PTPN9: variants seen among roughly 807,000 people sequenced by gnomAD.
PTPN9 encodes the protein tyrosine-protein phosphatase non-receptor type 9.
In PTPN9, 26 loss-of-function variants were observed where a neutral mutation model predicts 69.8. That is an observed-to-expected ratio of 0.37 (90% confidence interval 0.27 to 0.52). The LOEUF (loss-of-function observed/expected upper bound fraction) is 0.52, where lower values mean the gene tolerates loss of function less well. PTPN9 is among the 20% of genes least tolerant of loss of function. PTPN9 has a pLI of 0.91. For missense variants in PTPN9, 549 were observed against 740.3 expected (o/e 0.74, Z 3.00); for synonymous variants, 274 against 272.5 (o/e 1.01, Z -0.05).
intron 7 of PTPN9, among the ~76,000 whole-genome samples, chr15:75,492,131 C>G (rs1486140170): frequency 6.6e-6 from 1 of 152,128 alleles, no homozygotes; most frequent in Admixed American, 6.5e-5. Context: ...CCTCAGCCTC[C>G]CAAAGTGCTG....
At chr15:75,529,127 C>T (rs144938314) in intron 1 of PTPN9, among the ~76,000 whole-genome samples, 2,055 of 152,090 alleles carry the variant, frequency 0.014, 150 homozygotes, top group Admixed American at 0.11. Context: ...GCTGGGACTA[C>T]AGGGGCACAC....
intron 4 of PTPN9, among the ~76,000 whole-genome samples, chr15:75,517,963 G>A (rs1305275688): frequency 2.6e-5 from 4 of 152,148 alleles, no homozygotes; most frequent in African/African-American, 9.7e-5. Flanking sequence ...TTTCAGACCT[G>A]TGAAAAACTG....
At chr15:75,541,846 C>A (rs1351386408) in intron 1 of PTPN9, among the ~76,000 whole-genome samples, 2 of 151,298 alleles carry the variant, frequency 1.3e-5, no homozygotes, top group African/African-American at 4.9e-5. Context: ...TTGAGACCAT[C>A]CTGGAACATG....
chr15:75,493,404 G>T (rs2141301242), intron 7 of PTPN9, among the ~76,000 whole-genome samples: 1 of 152,072 alleles, frequency 6.6e-6, no homozygotes, highest in Non-Finnish European at 1.5e-5. Context: ...TAATAGACGA[G>T]ATAAAAGAGA....
At chr15:75,485,397 T>C (rs2074668909) in intron 8 of PTPN9, among the ~76,000 whole-genome samples, 1 of 138,654 alleles carries the variant, frequency 7.2e-6, no homozygotes, top group Admixed American at 7.9e-5. Context: ...AGTCTCGCTC[T>C]GTTGCCCAGG....
At chr15:75,549,728 A>G (rs568127061) in intron 1 of PTPN9, among the ~76,000 whole-genome samples, 1 of 152,262 alleles carries the variant, frequency 6.6e-6, no homozygotes, top group African/African-American at 2.4e-5. Flanking sequence ...AACTGTCTAG[A>G]CCTTGGAAGG....
chr15:75,530,199 CAAAAA>C (rs1171614508), intron 1 of PTPN9, among the ~76,000 whole-genome samples: 1 of 28,266 alleles, frequency 3.5e-5, no homozygotes. Flanking sequence ...GACTCCATCT[CAAAAA>C]AAAAAAAAAA....
At position 75,523,256 on chromosome 15, in the gene PTPN9, T is replaced by G; in HGVS notation, c.298-11A>C. 6.2e-7 allele frequency: 1 copy of G among 1,609,710 alleles called. No individual in the cohort carries two copies. The highest frequency in any genetic ancestry group is 8.5e-7 in the Non-Finnish European group (1 of 1,178,710). On this transcript the variant is annotated splice_polypyrimidine_tract_variant and intron_variant, in intron 3 of 12. Transcript: ENST00000618819. ...TGGGTCCCGAACATTCTAAAGCAAA[T>G]AAAACAAGAAACATTAAAAAAATCA...
chr15:75,504,141 C>T (rs2074797353), intron 7 of PTPN9, among the ~76,000 whole-genome samples: 1 of 124,976 alleles, frequency 8.0e-6, no homozygotes, highest in South Asian at 2.6e-4. Context: ...AGGTCAGCCC[C>T]CCGCCCGGAC....
At chr15:75,573,624 AGAT>A (rs1224152462) in intron 1 of PTPN9, among the ~76,000 whole-genome samples, 4 of 152,236 alleles carry the variant, frequency 2.6e-5, no homozygotes, top group African/African-American at 7.2e-5. Context: ...CTCTGAAAGA[AGAT>A]GATGCTGCCT....
intron 1 of PTPN9, among the ~76,000 whole-genome samples, chr15:75,547,405 T>C (rs1448349723): frequency 1.3e-5 from 2 of 151,342 alleles, no homozygotes; most frequent in African/African-American, 4.9e-5. Context: ...AAGACCACCC[T>C]GGCCAACATG....
At chr15:75,511,844 AT>A (rs968669055) in intron 5 of PTPN9, among the ~76,000 whole-genome samples, 54 of 146,622 alleles carry the variant, frequency 3.7e-4, no homozygotes, top group African/African-American at 1.1e-3. Context: ...TTTCCTTTTA[AT>A]TTTTTTTTTG....
At chr15:75,483,435 A>G (rs534014369) in intron 8 of PTPN9, among the ~76,000 whole-genome samples, 14 of 152,332 alleles carry the variant, frequency 9.2e-5, no homozygotes, top group African/African-American at 3.1e-4. Flanking sequence ...AGAAAACATT[A>G]TGCTAAATGA....
chr15:75,527,389 G>A, intron 1 of PTPN9, 128 bp from the exon 2 acceptor site: 1 of 1,004,652 alleles, frequency 1.0e-6, no homozygotes, highest in South Asian at 1.7e-5. Context: ...CAGGGAGCAG[G>A]GAAAGACAAA....
intron 1 of PTPN9, among the ~76,000 whole-genome samples, chr15:75,557,914 G>C (rs1251741826): frequency 6.6e-6 from 1 of 152,186 alleles, no homozygotes; most frequent in Non-Finnish European, 1.5e-5. Context: ...AAGAAAATGG[G>C]CTGGGCGCGG....
At chr15:75,531,099 G>A (rs1245791685) in intron 1 of PTPN9, among the ~76,000 whole-genome samples, 1 of 151,050 alleles carries the variant, frequency 6.6e-6, no homozygotes, top group Admixed American at 6.7e-5. Context: ...AGGAGAGTCA[G>A]CAATACCTCA....
chr15:75,572,207 C>G (rs903213263), intron 1 of PTPN9, among the ~76,000 whole-genome samples: 1 of 152,118 alleles, frequency 6.6e-6, no homozygotes, highest in Non-Finnish European at 1.5e-5. Flanking sequence ...TGGCAGGTGC[C>G]TGTAATCCCA....
chr15:75,511,978 G>A (rs890963639), intron 5 of PTPN9, among the ~76,000 whole-genome samples: 4 of 151,914 alleles, frequency 2.6e-5, no homozygotes, highest in Non-Finnish European at 5.9e-5. Flanking sequence ...GAGTAGCTGG[G>A]ATTACGGGCG....
chr15:75,485,414 T>C (rs2074669196), intron 8 of PTPN9, among the ~76,000 whole-genome samples: 1 of 133,882 alleles, frequency 7.5e-6, no homozygotes. Flanking sequence ...CAGGCCGGAC[T>C]GCGGACTGCA....
Sources: allele counts gnomAD v4.1 joint callset (sites outside exome capture counted in the v4.1 genomes callset), GRCh38; gene constraint gnomAD v4.1.1; transcripts MANE v1.5; gene names NCBI Gene and HGNC (gene_info 2026-07-23, HGNC 2026-07-21).